Variants in MYO1D observed in about 807,000 individuals in gnomAD.
MYO1D encodes the protein unconventional myosin-Id.
A neutral mutation model predicts 122.0 loss-of-function variants in MYO1D; 83 were observed. That is an observed-to-expected ratio of 0.68 (90% CI 0.57 to 0.82). The LOEUF is 0.82. Ranked by LOEUF, MYO1D falls within the 40% of genes least tolerant of loss-of-function variation. MYO1D has a pLI of 0.00. For synonymous variants in MYO1D, 464 were observed against 446.9 expected (o/e 1.04, Z -0.48); for missense variants, 1,157 against 1,269.5 (o/e 0.91, Z 1.35).
Position 32,755,549 on chromosome 17 carries a change from C to T in MYO1D, c.1410G>A (p.Met470Ile). ...ATTTACTGTTAAGTGCTTCAAGAAA[C>T]ATTTCATCGGTGACTTTGCCGACAT... is the stretch of plus-strand genomic sequence containing the variant. The part of the protein sequence containing the change: ...CMNVGKVTDE[M>I]FLEALNSKLG... Residue 470 changes from methionine (M) to isoleucine (I), a missense_variant, in exon 11 of 22, where the codon ATG becomes ATA. Met to Ile is a conservative substitution (Grantham distance 10, BLOSUM62 1). Transcript: ENST00000318217. 1 of 1,613,952 alleles carries T rather than the reference C, an allele frequency of 6.2e-7. No individual in the cohort carries two copies. Among genetic ancestry groups the T allele is most frequent in the Non-Finnish European group, 8.5e-7 (1 of 1,179,898 alleles).
chr17:32,854,882 C>T lies in MYO1D; in HGVS notation c.95+21896G>A, dbSNP rs188304978. The stretch of plus-strand genomic sequence containing the variant: ...AATGAGGGAACTGGATGAATCTGCA[C>T]GCTTTAACTGTGGTCCCTATGAAGA... On this transcript the variant is annotated intron_variant, in intron 1 of 21. Transcript: ENST00000318217. 3.1e-4 allele frequency among the ~76,000 whole-genome samples: 47 copies of T among 152,286 alleles called. 1 individual carries two copies. Among genetic ancestry groups the T allele is most frequent in the Admixed American group, 1.1e-3 (17 of 15,298 alleles).
intron 21 of MYO1D, chr17:32,529,524 C>CGTGT (rs140939621): frequency 7.9e-5 from 12 of 152,288 alleles, no homozygotes; most frequent in Non-Finnish European, 1.8e-4. Context: ...ACTCTATAAT[C>CGTGT]GTGTGTGTGT....
intron 20 of MYO1D, among the ~76,000 whole-genome samples, chr17:32,610,712 C>T (rs2087689658): frequency 6.6e-6 from 1 of 151,836 alleles, no homozygotes; most frequent in Non-Finnish European, 1.5e-5. Flanking sequence ...GAGGGTCTTA[C>T]ACTCTAAGTG....
chr17:32,832,880 A>T (rs755129532), intron 1 of MYO1D, among the ~76,000 whole-genome samples: 10 of 152,348 alleles, frequency 6.6e-5, no homozygotes, highest in Non-Finnish European at 1.0e-4. Flanking sequence ...AGCTTAATTT[A>T]TCTGATCTAT....
intron 1 of MYO1D, among the ~76,000 whole-genome samples, chr17:32,798,070 C>T (rs1305438429): frequency 6.6e-6 from 1 of 152,222 alleles, no homozygotes; most frequent in Non-Finnish European, 1.5e-5. Flanking sequence ...ACAGCTTTCA[C>T]TGACCTGGGA....
intron 1 of MYO1D, among the ~76,000 whole-genome samples, chr17:32,845,862 T>A (rs1009671898): frequency 1.3e-5 from 2 of 152,178 alleles, no homozygotes; most frequent in Non-Finnish European, 2.9e-5. Flanking sequence ...CACCCTTGCT[T>A]TGCCCACTTA....
intron 10 of MYO1D, among the ~76,000 whole-genome samples, chr17:32,758,339 C>T (rs2151014790): frequency 6.6e-6 from 1 of 152,022 alleles, no homozygotes; most frequent in African/African-American, 2.4e-5. Context: ...TATTTGGATC[C>T]AAATTTAACC....
chr17:32,615,275 T>C (rs561599393), intron 20 of MYO1D, among the ~76,000 whole-genome samples: 8 of 152,148 alleles, frequency 5.3e-5, no homozygotes, highest in African/African-American at 1.9e-4. Context: ...AGGAGGTCAG[T>C]GAGGGCCTGA....
intron 21 of MYO1D, among the ~76,000 whole-genome samples, chr17:32,508,741 A>C (rs1309782621): frequency 6.6e-6 from 1 of 152,222 alleles, no homozygotes; most frequent in African/African-American, 2.4e-5. Context: ...GAGCCTAAGG[A>C]CCTGCCTGCC....
At position 32,493,780 on chromosome 17, in the gene MYO1D, C is replaced by CGCTGTGCT. The variant is rs1394124735; in HGVS notation, c.*971_*978dup. The CGCTGTGCT allele has an allele frequency of 6.6e-6, 1 of 152,318 alleles. No individual in the cohort carries two copies. The highest frequency in any genetic ancestry group is 1.5e-5 in the Non-Finnish European group (1 of 68,138). 9.4% of individuals were successfully genotyped at this position (152,318 alleles called of 1,614,324 possible). A position where few individuals can be genotyped will look rare whatever the true frequency, so the allele number is the denominator to read the frequency against. ...CCTGGCCTGCAGTGCCAGGACCCCA[C>CGCTGTGCT]GCTGTGCTGCTGCCCCGCTTCCTGC... On this transcript the variant is annotated 3_prime_UTR_variant, in exon 22 of 22. Coordinates refer to ENST00000318217, the MANE Select transcript of MYO1D (RefSeq NM_015194.3).
intron 16 of MYO1D, among the ~76,000 whole-genome samples, chr17:32,674,587 ACTAATAATT>A (rs1326591590): frequency 2.0e-5 from 3 of 152,224 alleles, no homozygotes; most frequent in African/African-American, 7.2e-5. Flanking sequence ...TATGTTTCTT[ACTAATAATT>A]CACCATAAAA....
intron 21 of MYO1D, among the ~76,000 whole-genome samples, chr17:32,573,096 C>T (rs1164792028): frequency 6.6e-6 from 1 of 152,052 alleles, no homozygotes; most frequent in African/African-American, 2.4e-5. Context: ...ATTATCAACT[C>T]GGTGTTCTGT....
chr17:32,625,133 A>G (rs2087910235), intron 20 of MYO1D, among the ~76,000 whole-genome samples: 1 of 152,170 alleles, frequency 6.6e-6, no homozygotes, highest in South Asian at 2.1e-4. Context: ...AGCTCCTGAT[A>G]TGCAGACCAG....
rs566295811 is a variant in MYO1D at position 32,699,059 on chromosome 17, C to T, written c.2121+12929G>A. On this transcript the variant is annotated intron_variant, in intron 16 of 21. Coordinates refer to ENST00000318217, the MANE Select transcript of MYO1D (RefSeq NM_015194.3). ...CTTGGCTCACTGCAACCTCTGCCTC[C>T]GGGGTTCAAGCAATTCTCCTGCCTC... Among the ~76,000 whole-genome samples, 8 of 152,140 alleles carry T rather than the reference C, an allele frequency of 5.3e-5. No individual in the cohort carries two copies. In the South Asian group the frequency reaches 6.2e-4, roughly 12 times the overall value.
At chr17:32,876,597 C>T (rs1273157410) in intron 1 of MYO1D, among the ~76,000 whole-genome samples, 181 bp downstream of exon 1, 1 of 152,144 alleles carries the variant, frequency 6.6e-6, no homozygotes, top group Non-Finnish European at 1.5e-5. Flanking sequence ...ACCCCAGGGG[C>T]GTCCGCTCTC....
intron 15 of MYO1D, among the ~76,000 whole-genome samples, chr17:32,719,313 T>C (rs909239007): frequency 4.6e-5 from 7 of 151,734 alleles, no homozygotes; most frequent in Non-Finnish European, 1.0e-4. Context: ...CCCTGTTTCC[T>C]GGACTCCTGC....
At chr17:32,622,974 C>T (rs879396684) in intron 20 of MYO1D, among the ~76,000 whole-genome samples, 2 of 152,158 alleles carry the variant, frequency 1.3e-5, no homozygotes, top group Admixed American at 6.5e-5. Flanking sequence ...TTGTCCTTTA[C>T]CATTTATGGT....
chr17:32,535,544 A>G (rs915443116), intron 21 of MYO1D, among the ~76,000 whole-genome samples: 5 of 152,140 alleles, frequency 3.3e-5, no homozygotes, highest in African/African-American at 1.2e-4. Context: ...TCAGGAGTTC[A>G]AGACCAGCCT....
chr17:32,557,263 T>C (rs184140476), intron 21 of MYO1D, among the ~76,000 whole-genome samples: 47 of 151,830 alleles, frequency 3.1e-4, no homozygotes, highest in African/African-American at 1.0e-3. Context: ...GGATTACAGA[T>C]GCCCGCTACC....
Sources: gnomAD v4.1 joint callset for allele counts (sites outside exome capture counted in the v4.1 genomes callset) on GRCh38, gnomAD v4.1.1 for gene constraint, MANE v1.5 for transcripts, NCBI Gene and HGNC (gene_info 2026-07-23, HGNC 2026-07-21) for gene names.